Variants in COL25A1 observed in about 807,000 individuals in gnomAD.
COL25A1 encodes collagen type XXV alpha 1 chain, also known as collagen alpha-1(XXV) chain.
Under a neutral mutation model 128.4 loss-of-function variants are expected in COL25A1, and 103 were observed. That is an observed-to-expected ratio of 0.80 (90% CI 0.68 to 0.94). The LOEUF is 0.94. Among genes scored for constraint, COL25A1 ranks in the 40% least tolerant of loss-of-function variants. The pLI is 0.00. For missense variants in COL25A1, 745 were observed against 840.0 expected (o/e 0.89, Z 1.40); for synonymous variants, 279 against 277.2 (o/e 1.01, Z -0.06).
At chr4:109,265,884 C>T (rs1781760038) in intron 3 of COL25A1, among the ~76,000 whole-genome samples, 1 of 152,172 alleles carries the variant, frequency 6.6e-6, no homozygotes, top group South Asian at 2.1e-4. Flanking sequence ...GTAGAAACTA[C>T]TACCAAGTCA....
intron 5 of COL25A1, among the ~76,000 whole-genome samples, chr4:109,012,050 T>C (rs965240937): frequency 6.6e-6 from 1 of 152,250 alleles, no homozygotes; most frequent in East Asian, 1.9e-4. Flanking sequence ...TCTCACTCTG[T>C]TGCCCAGGCA....
At chr4:109,020,588 T>C (rs1264021382) in intron 5 of COL25A1, among the ~76,000 whole-genome samples, 2 of 151,870 alleles carry the variant, frequency 1.3e-5, no homozygotes, top group South Asian at 4.1e-4. Flanking sequence ...CATAAATATA[T>C]AATTGTACTT....
At chr4:109,153,107 C>T (rs905176411) in intron 3 of COL25A1, among the ~76,000 whole-genome samples, 1 of 151,978 alleles carries the variant, frequency 6.6e-6, no homozygotes, top group Admixed American at 6.6e-5. Context: ...TACTCTGGGC[C>T]GGGCGCAGTG....
At chr4:109,241,685 A>C (rs1267474996) in intron 3 of COL25A1, among the ~76,000 whole-genome samples, 1 of 151,798 alleles carries the variant, frequency 6.6e-6, no homozygotes, top group East Asian at 1.9e-4. Context: ...ACCAGTTTTC[A>C]CCTTGGCACT....
chr4:109,092,289 A>G (rs1218688220), intron 3 of COL25A1, among the ~76,000 whole-genome samples: 1 of 152,216 alleles, frequency 6.6e-6, no homozygotes, highest in Non-Finnish European at 1.5e-5. Flanking sequence ...CAGCCTGGGC[A>G]ATATAGCAAT....
At chr4:108,828,962 A>C (rs890898616) in intron 32 of COL25A1, among the ~76,000 whole-genome samples, 1 of 152,160 alleles carries the variant, frequency 6.6e-6, no homozygotes, top group Non-Finnish European at 1.5e-5. Context: ...ACTAATTAAC[A>C]CTGTCACCTA....
intron 3 of COL25A1, among the ~76,000 whole-genome samples, chr4:109,149,978 GTA>G (rs1376900240): frequency 2.7e-5 from 4 of 149,686 alleles, no homozygotes; most frequent in African/African-American, 9.7e-5. Flanking sequence ...GTATGTATGT[GTA>G]TGTATGTGTG....
chr4:109,208,494 A>AC (rs1239716917), intron 3 of COL25A1, among the ~76,000 whole-genome samples: 3 of 151,824 alleles, frequency 2.0e-5, no homozygotes, highest in South Asian at 2.1e-4. Flanking sequence ...AAAAAAAAAA[A>AC]AAACAAATTA....
intron 3 of COL25A1, among the ~76,000 whole-genome samples, chr4:109,262,714 A>C (rs1781534619): frequency 1.3e-5 from 2 of 152,248 alleles, no homozygotes; most frequent in Admixed American, 1.3e-4. Flanking sequence ...TAAAAGTCAC[A>C]ATATAGACAA....
chr4:109,195,562 T>C (rs779906969), intron 3 of COL25A1, among the ~76,000 whole-genome samples: 15 of 152,098 alleles, frequency 9.9e-5, no homozygotes, highest in Admixed American at 4.6e-4. Flanking sequence ...CCCAATAATA[T>C]GAATTGTACA....
intron 20 of COL25A1, among the ~76,000 whole-genome samples, 174 bp from the exon 21 acceptor site, chr4:108,863,561 C>A (rs932963553): frequency 1.3e-5 from 2 of 152,292 alleles, no homozygotes; most frequent in South Asian, 2.1e-4. Flanking sequence ...ATAATCAAAA[C>A]AATTTGTGAT....
At chr4:108,844,715 A>G in intron 29 of COL25A1, 146 bp from the exon 30 acceptor site, 2 of 1,206,852 alleles carry the variant, frequency 1.7e-6, no homozygotes, top group Non-Finnish European at 2.2e-6. Flanking sequence ...TTGATTCTCT[A>G]GATGTAGAAA....
intron 3 of COL25A1, among the ~76,000 whole-genome samples, chr4:109,126,224 A>G (rs897951461): frequency 1.3e-5 from 2 of 152,186 alleles, no homozygotes; most frequent in Non-Finnish European, 2.9e-5. Context: ...TTCTTGATAA[A>G]TGTTGACATT....
At chr4:108,896,170 G>T (rs536059195) in intron 16 of COL25A1, among the ~76,000 whole-genome samples, 2 of 151,374 alleles carry the variant, frequency 1.3e-5, no homozygotes, top group African/African-American at 4.9e-5. Context: ...GGATGGTCTC[G>T]ATCTGCTGAC....
chr4:109,117,586 G>C (rs75429203), intron 3 of COL25A1, among the ~76,000 whole-genome samples: 3,348 of 152,008 alleles, frequency 0.022, 95 homozygotes, highest in South Asian at 0.12. Context: ...ATGACTAAGT[G>C]AAAGTAAAAT....
chr4:108,907,091 A>G (rs532583146), intron 13 of COL25A1, among the ~76,000 whole-genome samples: 1 of 152,304 alleles, frequency 6.6e-6, no homozygotes, highest in South Asian at 2.1e-4. Context: ...CTGCAGTGGC[A>G]CACCTCCAAG....
chr4:108,952,474 C>G (rs1407182734), intron 8 of COL25A1, among the ~76,000 whole-genome samples: 2 of 152,118 alleles, frequency 1.3e-5, no homozygotes, highest in Non-Finnish European at 2.9e-5. Context: ...TTGAATTCAG[C>G]CCCATCTGAA....
chr4:108,994,666 G>A (rs141187295), intron 6 of COL25A1, among the ~76,000 whole-genome samples: 337 of 152,294 alleles, frequency 2.2e-3, no homozygotes, highest in Non-Finnish European at 3.2e-3. Flanking sequence ...TGCCTCAAGC[G>A]GGTCCCTGAC....
intron 13 of COL25A1, among the ~76,000 whole-genome samples, chr4:108,911,660 C>T (rs1030338686): frequency 6.6e-6 from 1 of 152,074 alleles, no homozygotes; most frequent in Admixed American, 6.6e-5. Flanking sequence ...AAAAGCTTTT[C>T]CCAATTATGG....
Sources: gnomAD v4.1 joint callset for allele counts (sites outside exome capture counted in the v4.1 genomes callset) on GRCh38, gnomAD v4.1.1 for gene constraint, MANE v1.5 for transcripts, NCBI Gene and HGNC (gene_info 2026-07-23, HGNC 2026-07-21) for gene names.